Variants in AK9 observed in about 807,000 individuals in gnomAD.
AK9 encodes adenylate kinase 9.
A neutral mutation model predicts 239.6 loss-of-function variants in AK9; 191 were observed. The ratio of observed to expected loss-of-function variants is 0.80; its 90% CI spans 0.71 to 0.90. AK9 has a LOEUF of 0.90. Among genes scored for constraint, AK9 ranks in the 40% least tolerant of loss-of-function variants. The pLI is 0.00. For missense variants in AK9, 1,995 were observed against 2,214.7 expected (o/e 0.90, Z 1.99); for synonymous variants, 689 against 721.0 (o/e 0.96, Z 0.71).
chr6:109,511,537 G>A (rs756865195), intron 32 of AK9, among the ~76,000 whole-genome samples: 31 of 152,176 alleles, frequency 2.0e-4, no homozygotes, highest in Non-Finnish European at 3.8e-4. Flanking sequence ...CTTCTCCTGA[G>A]TGAGACAACA....
chr6:109,617,122 C>T (rs1285628232), intron 13 of AK9, among the ~76,000 whole-genome samples: 1 of 151,930 alleles, frequency 6.6e-6, no homozygotes, highest in Non-Finnish European at 1.5e-5. Context: ...AAGAAAGCTA[C>T]CAAATATTAT....
chr6:109,545,050 G>T (rs1483935523), intron 26 of AK9, among the ~76,000 whole-genome samples: 1 of 152,156 alleles, frequency 6.6e-6, no homozygotes, highest in African/African-American at 2.4e-5. Context: ...CTCTTTAAAT[G>T]ACTTTTATGG....
At chr6:109,550,493 T>G in intron 24 of AK9, 191 bp from the exon 25 acceptor site, 2 of 470,140 alleles carry the variant, frequency 4.3e-6, no homozygotes, top group Non-Finnish European at 7.3e-6. Flanking sequence ...GTGCACATTC[T>G]AAGTTTCTTT....
intron 12 of AK9, among the ~76,000 whole-genome samples, chr6:109,623,433 A>G (rs1008485386): frequency 1.3e-5 from 2 of 151,162 alleles, no homozygotes; most frequent in African/African-American, 4.9e-5. Context: ...GAGGACACAT[A>G]AGCAGTCCTA....
intron 17 of AK9, among the ~76,000 whole-genome samples, chr6:109,601,569 G>C (rs1791969971): frequency 6.6e-6 from 1 of 152,172 alleles, no homozygotes; most frequent in South Asian, 2.1e-4. Context: ...ATTTGGGGTG[G>C]AGAGTTCTGT....
chr6:109,632,873 A>AGATG, intron 12 of AK9, 50 bp downstream of exon 12: 15 of 1,542,698 alleles, frequency 9.7e-6, no homozygotes, highest in Non-Finnish European at 1.3e-5. Flanking sequence ...ATAGATAGAT[A>AGATG]GATAGATAGA....
At chr6:109,571,369 T>A (rs2128193974) in intron 21 of AK9, among the ~76,000 whole-genome samples, 1 of 152,258 alleles carries the variant, frequency 6.6e-6, no homozygotes, top group Middle Eastern at 3.4e-3. Context: ...TATAAACAAA[T>A]AATTTCCATA....
chr6:109,648,068 T>A (rs1286881711), intron 8 of AK9, among the ~76,000 whole-genome samples: 1 of 151,848 alleles, frequency 6.6e-6, no homozygotes, highest in East Asian at 1.9e-4. Context: ...CATACCAGAA[T>A]CTCTGGGACA....
At chr6:109,632,857 A>G in intron 12 of AK9, 66 bp downstream of exon 12, 1 of 1,490,870 alleles carries the variant, frequency 6.7e-7, no homozygotes, top group Non-Finnish European at 8.9e-7. Flanking sequence ...TACATGACAG[A>G]TAGACATAGA....
chr6:109,549,865 C>T (rs1032869765), intron 25 of AK9: 4 of 351,404 alleles, frequency 1.1e-5, no homozygotes, highest in Non-Finnish European at 2.1e-5. Context: ...GGGGTTTCAC[C>T]GTGTCAGCCA....
In AK9 at chr6:109,575,811, T is replaced by C. The variant is rs566187429; in HGVS notation, c.2192-2217A>G. ...TATGGTTTCAGGTCTTAGATTTAAG[T>C]CCTTGATCCATCTTCAGTTGATTTC... is the stretch of plus-strand genomic sequence containing the variant. On this transcript the variant is annotated intron_variant, in intron 20 of 40. Transcript: ENST00000424296. Among the ~76,000 whole-genome samples, 3 of 152,346 alleles carry C rather than the reference T, an allele frequency of 2.0e-5. No individual in the cohort carries two copies. In the South Asian group the frequency reaches 6.2e-4, roughly 32 times the overall value.
chr6:109,542,415 A>ATTT (rs1783015916), intron 26 of AK9, among the ~76,000 whole-genome samples: 1 of 152,172 alleles, frequency 6.6e-6, no homozygotes, highest in African/African-American at 2.4e-5. Context: ...ACAGAGGGAA[A>ATTT]CTATAGTTAG....
intron 17 of AK9, among the ~76,000 whole-genome samples, chr6:109,598,436 G>A (rs1400342788): frequency 6.6e-6 from 1 of 152,162 alleles, no homozygotes; most frequent in Non-Finnish European, 1.5e-5. Flanking sequence ...GTATTCCATG[G>A]TGTATATGTG....
intron 22 of AK9, 71 bp from the exon 23 acceptor site, chr6:109,564,351 T>C (rs1786191119): frequency 1.6e-6 from 2 of 1,245,604 alleles, no homozygotes; most frequent in Admixed American, 6.1e-5. Flanking sequence ...ATTGCCAAAA[T>C]AGCTTATACT....
intron 24 of AK9, among the ~76,000 whole-genome samples, chr6:109,559,163 A>G (rs1785394011): frequency 1.0e-5 from 1 of 99,282 alleles, no homozygotes; most frequent in African/African-American, 3.4e-5. Context: ...TGGTATATCT[A>G]TCTGTTTTTT....
chr6:109,507,559 C>T (rs981523286), intron 33 of AK9, among the ~76,000 whole-genome samples: 1 of 151,866 alleles, frequency 6.6e-6, no homozygotes, highest in Non-Finnish European at 1.5e-5. Flanking sequence ...CACTATCAAA[C>T]TGAGAGGAGG....
At chr6:109,628,731 G>GT (rs1187613348) in intron 12 of AK9, among the ~76,000 whole-genome samples, 1 of 151,950 alleles carries the variant, frequency 6.6e-6, no homozygotes, top group African/African-American at 2.4e-5. Flanking sequence ...GCTTTCATAA[G>GT]TTTTTTCCAC....
chr6:109,558,528 A>G (rs1785298825), intron 24 of AK9, among the ~76,000 whole-genome samples: 2 of 152,194 alleles, frequency 1.3e-5, no homozygotes, highest in South Asian at 4.1e-4. Flanking sequence ...TCAATAATCA[A>G]TTGTCCATAT....
intron 3 of AK9, among the ~76,000 whole-genome samples, chr6:109,672,654 C>G (rs1771102029): frequency 6.6e-6 from 1 of 152,000 alleles, no homozygotes; most frequent in African/African-American, 2.4e-5. Context: ...TCACTGCACT[C>G]CAGCCTGGAT....
Sources: gnomAD v4.1 joint callset for allele counts (sites outside exome capture counted in the v4.1 genomes callset) on GRCh38, gnomAD v4.1.1 for gene constraint, MANE v1.5 for transcripts, NCBI Gene and HGNC (gene_info 2026-07-23, HGNC 2026-07-21) for gene names.